COG5: variants seen among roughly 807,000 people sequenced by gnomAD.
COG5 encodes component of oligomeric golgi complex 5, also known as conserved oligomeric Golgi complex subunit 5.
A neutral mutation model predicts 110.4 loss-of-function variants in COG5; 86 were observed. The ratio of observed to expected loss-of-function variants is 0.78; its 90% CI spans 0.65 to 0.93. The LOEUF (loss-of-function observed/expected upper bound fraction) is 0.93, where lower values mean the gene tolerates loss of function less well. Among genes scored for constraint, COG5 ranks in the 40% least tolerant of loss-of-function variants. COG5 has a pLI of 0.00. For synonymous variants in COG5, 360 were observed against 334.6 expected (o/e 1.08, Z -0.83); for missense variants, 1,077 against 987.0 (o/e 1.09, Z -1.22).
Position 107,231,004 on chromosome 7 carries a change from G to T in COG5, c.2092-313C>A, listed in dbSNP as rs1800738732. On this transcript the variant is annotated intron_variant, in intron 18 of 21. Transcript: ENST00000297135. ...AAGGAAAAGGAAAATTTTCAAGACTGCATGCCTATACTTTAGGCATTACAA... is the reference window on the plus strand; with the variant it reads ...AAGGAAAAGGAAAATTTTCAAGACTTCATGCCTATACTTTAGGCATTACAA... 2.0e-5 allele frequency among the ~76,000 whole-genome samples: 3 copies of T among 152,090 alleles called. No individual in the cohort carries two copies. In the South Asian group the frequency reaches 6.2e-4, roughly 31 times the overall value.
At chr7:107,512,146 C>T (rs1263136334) in intron 6 of COG5, among the ~76,000 whole-genome samples, 1 of 151,848 alleles carries the variant, frequency 6.6e-6, no homozygotes, top group Non-Finnish European at 1.5e-5. Flanking sequence ...TCTAGAAAAC[C>T]CCACTGTCTC....
rs1184326877 is a variant in COG5, at chr7:107,519,633, C to T, written c.538+7604G>A. On this transcript the variant is annotated intron_variant, in intron 6 of 21. Coordinates refer to ENST00000297135, the MANE Select transcript of COG5 (RefSeq NM_006348.5). The stretch of plus-strand genomic sequence containing the variant: ...CTCTGAATAGACTAATAACAAGTCC[C>T]AAAATTGAGGCACTAATTAATAGCC... Among the ~76,000 whole-genome samples, 4 of 152,134 alleles carry T rather than the reference C, an allele frequency of 2.6e-5. No homozygotes were observed. The South Asian group carries it at 8.3e-4, about 32-fold the overall frequency.
At position 107,271,277 on chromosome 7, in the gene COG5, T is replaced by C. The variant is rs988918949; in HGVS notation, c.1575+10023A>G. ...CAAGTGTCTTGGTTATTCTTGACAC[T>C]TCTGCATTTCCATAAAAATTTAACA... On this transcript the variant is annotated intron_variant, in intron 14 of 21. Transcript: ENST00000297135. 2.6e-5 allele frequency among the ~76,000 whole-genome samples: 4 copies of C among 152,308 alleles called. 1 individual carries two copies. The South Asian group carries it at 8.3e-4, about 32-fold the overall frequency.
intron 6 of COG5, among the ~76,000 whole-genome samples, chr7:107,522,092 G>A (rs747629966): frequency 6.6e-6 from 1 of 152,144 alleles, no homozygotes; most frequent in Non-Finnish European, 1.5e-5. Context: ...GACACAGGGA[G>A]GGGAACAACA....
chr7:107,438,517 A>G (rs1237030809), intron 6 of COG5, among the ~76,000 whole-genome samples: 2 of 152,216 alleles, frequency 1.3e-5, no homozygotes, highest in Non-Finnish European at 2.9e-5. Context: ...TGCACTGCAC[A>G]CGTTAGCAAA....
intron 17 of COG5, among the ~76,000 whole-genome samples, chr7:107,237,094 T>C (rs2116461628): frequency 6.6e-6 from 1 of 152,382 alleles, no homozygotes; most frequent in South Asian, 2.1e-4. Flanking sequence ...TAGCATTTTA[T>C]GCTTTGCAAT....
At chr7:107,404,898 A>C (rs1045433317) in intron 7 of COG5, among the ~76,000 whole-genome samples, 4 of 151,430 alleles carry the variant, frequency 2.6e-5, no homozygotes, top group East Asian at 1.9e-4. Flanking sequence ...AAAAAAAAAA[A>C]AAAAAAAAAA....
In COG5 at chr7:107,285,698, T is replaced by TA. The variant is rs202198886; in HGVS notation, c.1314-1967dup. Among the ~76,000 whole-genome samples, 699 of 149,532 alleles carry TA rather than the reference T, an allele frequency of 4.7e-3. 5 individuals carry two copies. Among genetic ancestry groups the TA allele is most frequent in the African/African-American group, 0.017 (680 of 40,880 alleles). ...CAGAAATATAGTAGAGAACTTGCTTTAAAAAAAAAATTCCCGGCCGGACCT... is the reference window on the plus strand; with the variant it reads ...CAGAAATATAGTAGAGAACTTGCTTTAAAAAAAAAAATTCCCGGCCGGACCT... On this transcript the variant is annotated intron_variant, in intron 12 of 21. Transcript: ENST00000297135.
chr7:107,563,912 G>A lies in COG5; in HGVS notation c.-16C>T. On this transcript the variant is annotated 5_prime_UTR_variant, in exon 1 of 22. Coordinates refer to ENST00000297135, the MANE Select transcript of COG5 (RefSeq NM_006348.5). The stretch of plus-strand genomic sequence containing the variant: ...CACCTTCCATGTTGGCAGGTGCCGG[G>A]TTGATGTCGTCAGCAGCAGAACGGC... The A allele has an allele frequency of 1.9e-6, 3 of 1,613,410 alleles. No homozygotes were observed. The highest frequency in any genetic ancestry group is 2.5e-6 in the Non-Finnish European group (3 of 1,179,904).
intron 19 of COG5, among the ~76,000 whole-genome samples, chr7:107,223,336 G>T (rs1001456353): frequency 1.3e-5 from 2 of 152,158 alleles, no homozygotes; most frequent in Non-Finnish European, 2.9e-5. Context: ...CTTTAGGGAG[G>T]CCTAGTTTGT....
rs184579262 is a variant in COG5, at chr7:107,514,620, T to C, written c.538+12617A>G. Among the ~76,000 whole-genome samples, 392 of 152,288 alleles carry C rather than the reference T, an allele frequency of 2.6e-3. 2 individuals are homozygous for C. Among genetic ancestry groups the C allele is most frequent in the African/African-American group, 9.2e-3 (381 of 41,570 alleles). ...ATTGGTGGTTTACCAGCTCAGGCTTTAGAATCAGATTTTTACAGATACACC... is the reference window on the plus strand; with the variant it reads ...ATTGGTGGTTTACCAGCTCAGGCTTCAGAATCAGATTTTTACAGATACACC... On this transcript the variant is annotated intron_variant, in intron 6 of 21. Coordinates refer to ENST00000297135, the MANE Select transcript of COG5 (RefSeq NM_006348.5).
At chr7:107,557,951 T>C (rs772259166) in intron 2 of COG5, 25 bp downstream of exon 2, 27 of 1,613,364 alleles carry the variant, frequency 1.7e-5, no homozygotes, top group Admixed American at 1.2e-4. Context: ...GAATAATCCA[T>C]AGGGACCCAG....
intron 18 of COG5, 107 bp from the exon 19 acceptor site, chr7:107,230,798 T>C: frequency 3.5e-6 from 3 of 854,472 alleles, no homozygotes; most frequent in Non-Finnish European, 6.0e-6. Flanking sequence ...CTTAATTTTA[T>C]CTGGACTGTA....
chr7:107,557,483 T>G (rs565330928), intron 2 of COG5, among the ~76,000 whole-genome samples: 1 of 152,214 alleles, frequency 6.6e-6, no homozygotes, highest in African/African-American at 2.4e-5. Context: ...CTTTAAGTGA[T>G]ATTAAAGTCA....
At chr7:107,368,792 TTA>T (rs1483641292) in intron 8 of COG5, among the ~76,000 whole-genome samples, 2 of 152,194 alleles carry the variant, frequency 1.3e-5, no homozygotes, top group Admixed American at 1.3e-4. Flanking sequence ...TTCTCAACAT[TTA>T]TGTTTTATTG....
chr7:107,355,544 GAATA>G (rs1177535197), intron 10 of COG5, among the ~76,000 whole-genome samples: 3 of 152,168 alleles, frequency 2.0e-5, no homozygotes, highest in African/African-American at 7.2e-5. Context: ...ATAAATGAAT[GAATA>G]AACAAACTGA....
intron 7 of COG5, among the ~76,000 whole-genome samples, chr7:107,412,134 A>G (rs533470199): frequency 1.3e-5 from 2 of 152,224 alleles, no homozygotes; most frequent in South Asian, 2.1e-4. Flanking sequence ...TGTTTCTTCA[A>G]CTGCAAAATA....
At chr7:107,278,515 G>C (rs1562947509) in intron 14 of COG5, among the ~76,000 whole-genome samples, 1 of 152,130 alleles carries the variant, frequency 6.6e-6, no homozygotes, top group Non-Finnish European at 1.5e-5. Context: ...GTGAGAATAT[G>C]CAGTGTTTGG....
At chr7:107,343,790 C>T (rs1459144042) in intron 10 of COG5, among the ~76,000 whole-genome samples, 1 of 151,988 alleles carries the variant, frequency 6.6e-6, no homozygotes, top group Non-Finnish European at 1.5e-5. Flanking sequence ...ATGAAAACAA[C>T]ATTAGTCTCC....
Sources: allele counts gnomAD v4.1 joint callset (sites outside exome capture counted in the v4.1 genomes callset), GRCh38; gene constraint gnomAD v4.1.1; transcripts MANE v1.5; gene names NCBI Gene and HGNC (gene_info 2026-07-23, HGNC 2026-07-21).